The following LIAS variants were observed in gnomAD, a reference collection of about 807,000 sequenced individuals.
The protein encoded by LIAS is lipoic acid synthetase.
LIAS carries 36 observed loss-of-function variants against 49.4 expected under a neutral mutation model. The ratio of observed to expected loss-of-function variants is 0.73; its 90% CI spans 0.56 to 0.96. The LOEUF (loss-of-function observed/expected upper bound fraction) is 0.96, where lower values mean the gene tolerates loss of function less well. Among genes scored for constraint, LIAS ranks in the 40% least tolerant of loss-of-function variants. LIAS has a pLI of 0.00. For synonymous variants in LIAS, 145 were observed against 155.8 expected, an observed-to-expected ratio of 0.93 and a Z score of 0.52; for missense variants, 399 against 456.3, an observed-to-expected ratio of 0.87 and a Z score of 1.14.
intron 1 of LIAS, among the ~76,000 whole-genome samples, chr4:39,459,823 G>T (rs1194517373): frequency 6.6e-6 from 1 of 152,204 alleles, no homozygotes; most frequent in Non-Finnish European, 1.5e-5. Flanking sequence ...AGCTGAGCGT[G>T]GTGGCGTGCG....
At chr4:39,472,214 G>T (rs1183643326) in intron 9 of LIAS, among the ~76,000 whole-genome samples, 1 of 151,662 alleles carries the variant, frequency 6.6e-6, no homozygotes, top group Admixed American at 6.6e-5. Flanking sequence ...AAATCATAAG[G>T]AAAAGAAAAT....
chr4:39,463,815 T>C, intron 4 of LIAS: 1 of 1,036,346 alleles, frequency 9.6e-7, no homozygotes, highest in Non-Finnish European at 1.2e-6. Flanking sequence ...GGTTCTTTCA[T>C]TTATGTGATA....
chr4:39,470,148 A>G lies in LIAS; in HGVS notation c.867A>G (p.Val289=), dbSNP rs745794858. The part of the protein sequence containing the change: ...MLGLGENDEQ[V]YATMKALREA... ...GTTTAGGCGAGAATGATGAGCAAGTATATGCAACAATGAAAGGTAAAGAAA... is the reference window on the plus strand; with the variant it reads ...GTTTAGGCGAGAATGATGAGCAAGTGTATGCAACAATGAAAGGTAAAGAAA... The change falls in exon 8 of 11, where the codon GTA becomes GTG. Residue 289 remains valine, a synonymous_variant. Coordinates refer to ENST00000640888, the MANE Select transcript of LIAS (RefSeq NM_006859.4). 3.1e-6 allele frequency: 5 copies of G among 1,610,734 alleles called. No individual in the cohort carries two copies. The highest frequency in any genetic ancestry group is 2.2e-5 in the East Asian group (1 of 44,828).
intron 10 of LIAS, chr4:39,476,733 C>A: frequency 5.3e-6 from 1 of 188,772 alleles, no homozygotes; most frequent in Non-Finnish European, 1.1e-5. Flanking sequence ...AAGAGCAATA[C>A]TTTGACAGTG....
At chr4:39,468,148 A>C (rs1050258438) in intron 7 of LIAS, 1 of 152,102 alleles carries the variant, frequency 6.6e-6, no homozygotes, top group Non-Finnish European at 1.5e-5. Flanking sequence ...ATTACACTAG[A>C]GCAATTGCTT....
intron 3 of LIAS, among the ~76,000 whole-genome samples, chr4:39,462,558 T>C (rs372285417): frequency 2.5e-4 from 38 of 152,334 alleles, no homozygotes; most frequent in African/African-American, 8.2e-4. Flanking sequence ...TAAAATTAAA[T>C]ATGAAGGTAT....
chr4:39,475,917 T>A (rs1242711427), intron 10 of LIAS: 1 of 152,182 alleles, frequency 6.6e-6, no homozygotes, highest in East Asian at 1.9e-4. Context: ...AACATTTTAA[T>A]GAACTAGTAG....
intron 7 of LIAS, chr4:39,468,492 G>GAA (rs1744844895): frequency 2.4e-5 from 2 of 84,362 alleles, no homozygotes; most frequent in Non-Finnish European, 4.7e-5. Flanking sequence ...GAAAGAGAAA[G>GAA]GAAAAAAAAA....
intron 3 of LIAS, among the ~76,000 whole-genome samples, chr4:39,463,253 C>T (rs1352258333): frequency 6.6e-6 from 1 of 152,034 alleles, no homozygotes; most frequent in African/African-American, 2.4e-5. Context: ...GCCTGACTAA[C>T]TTTGATTTTT....
chr4:39,465,310 C>T lies in LIAS; in HGVS notation c.576C>T (p.His192=). The change falls in exon 6 of 11, where the codon CAC becomes CAT. Residue 192 remains histidine, a synonymous_variant. Transcript: ENST00000640888. ...ATATGCCTGATGGGGGAGCTGAACA[C>T]ATTGCAAAGACCGTATCATATTTAA... ...RDDMPDGGAE[H]IAKTVSYLKE... is the part of the protein sequence containing the mutation. 6.2e-7 allele frequency: 1 copy of T among 1,612,554 alleles called. No homozygotes were observed. Among genetic ancestry groups the T allele is most frequent in the Non-Finnish European group, 8.5e-7 (1 of 1,179,656 alleles).
At chr4:39,460,649 C>T in intron 1 of LIAS, 141 bp from the exon 2 acceptor site, 2 of 598,246 alleles carry the variant, frequency 3.3e-6, no homozygotes, top group South Asian at 6.8e-5. Flanking sequence ...TTCTAATGCC[C>T]TAGAATACTA....
intron 9 of LIAS, among the ~76,000 whole-genome samples, chr4:39,471,577 A>C (rs893991854): frequency 8.2e-6 from 1 of 122,022 alleles, no homozygotes; most frequent in Admixed American, 1.2e-4. Context: ...CCCAGGCTGG[A>C]GTGCAGTGGG....
rs1458256 is a variant in LIAS, at chr4:39,459,323, C to T, written c.45+161C>T. 0.042 allele frequency: 26,802 copies of T among 645,572 alleles called. 690 individuals carry two copies. Among genetic ancestry groups the T allele is most frequent in the South Asian group, 0.079 (4,066 of 51,682 alleles). The allele number at this position is 645,572 out of a possible 1,614,324, so 40.0% of individuals were successfully genotyped here. On this transcript the variant is annotated intron_variant, in intron 1 of 10. Coordinates refer to ENST00000640888, the MANE Select transcript of LIAS (RefSeq NM_006859.4). ...GTGTAATCTCATGTAATTATCCCGC[C>T]AGCCCCATGATATAGAGTCTCTGGC...
chr4:39,471,823 C>T (rs1323659634), intron 9 of LIAS, among the ~76,000 whole-genome samples: 1 of 151,984 alleles, frequency 6.6e-6, no homozygotes, highest in Non-Finnish European at 1.5e-5. Flanking sequence ...CCACCGCACC[C>T]AGCCAATTTT....
rs368847641 is a variant in LIAS, at chr4:39,465,025, A to G, written c.394-21A>G. The G allele has an allele frequency of 2.5e-5, 40 of 1,596,774 alleles. No individual in the cohort carries two copies. In the African/African-American group the frequency reaches 4.8e-4, roughly 19 times the overall value. ...AGGGTCATCTGTCTATTTCATTTAA[A>G]TTGTAACATTTCTATTCTAGTTGAT... On this transcript the variant is annotated intron_variant, in intron 4 of 10. Coordinates refer to ENST00000640888, the MANE Select transcript of LIAS (RefSeq NM_006859.4).
In LIAS at chr4:39,477,174, C is replaced by T. The variant is rs1255640845; in HGVS notation, c.*59C>T. On this transcript the variant is annotated 3_prime_UTR_variant, in exon 11 of 11. Coordinates refer to ENST00000640888, the MANE Select transcript of LIAS (RefSeq NM_006859.4). ...TTTAAAATTTGATTCCAGTTAATAA[C>T]AGAGGTGGTGCCAGAATGCCTGGAC... The T allele has an allele frequency of 7.5e-7, 1 of 1,331,940 alleles. No individual in the cohort carries two copies. Among genetic ancestry groups the T allele is most frequent in the South Asian group, 1.3e-5 (1 of 78,744 alleles). The allele number at this position is 1,331,940 out of a possible 1,614,324, so 82.5% of individuals were successfully genotyped here.
rs902696382 is a variant in LIAS, at chr4:39,478,301, T to G, written c.*1186T>G. ...GGCAGATCACCTGAGGTCGGGAGTT[T>G]GAGAACAGCCTGGCCAACCTGGTGA... On this transcript the variant is annotated 3_prime_UTR_variant, in exon 11 of 11. Transcript: ENST00000640888. The G allele has an allele frequency of 3.9e-5, 6 of 152,266 alleles. No individual in the cohort carries two copies. Among genetic ancestry groups the G allele is most frequent in the Non-Finnish European group, 7.4e-5 (5 of 68,016 alleles). 9.4% of individuals were successfully genotyped at this position (152,266 alleles called of 1,614,324 possible).
rs561493296 is a variant in LIAS at position 39,462,608 on chromosome 4, C to T, written c.312+319C>T. On this transcript the variant is annotated intron_variant, in intron 3 of 10. Transcript: ENST00000640888. ...GCCATATATAAACCATACTCCTTTA[C>T]CTTTAACTCTTCAGTATATAATCTT... Among the ~76,000 whole-genome samples the T allele has an allele frequency of 3.9e-5, 6 of 152,316 alleles. No individual in the cohort carries two copies. In the South Asian group the frequency reaches 1.0e-3, roughly 26 times the overall value.
rs766866733 is a variant in LIAS, at chr4:39,471,517, A to ATTTTT, written c.954+234_954+238dup. Among the ~76,000 whole-genome samples the ATTTTT allele has an allele frequency of 4.4e-3, 326 of 74,352 alleles. 35 individuals carry two copies. The highest frequency in any genetic ancestry group is 0.013 in the South Asian group (21 of 1,576). 48.8% of individuals were successfully genotyped at this position (74,352 alleles called of 152,430 possible). On this transcript the variant is annotated intron_variant, in intron 9 of 10. Transcript: ENST00000640888. ...TCCGGCTAAAATATACATATATATA[A>ATTTTT]TTTTTTTTTTTTTTTTTTTTTTTTT...
Sources: gnomAD v4.1 joint callset for allele counts (sites outside exome capture counted in the v4.1 genomes callset) on GRCh38, gnomAD v4.1.1 for gene constraint, MANE v1.5 for transcripts, NCBI Gene and HGNC (gene_info 2026-07-23, HGNC 2026-07-21) for gene names.